CNTNAP2: variants seen among roughly 807,000 people sequenced by gnomAD.
CNTNAP2 encodes the protein contactin associated protein 2, also known as contactin-associated protein-like 2.
A neutral mutation model predicts 155.2 loss-of-function variants in CNTNAP2; 98 were observed. The observed-to-expected ratio is 0.63, with a 90% CI of 0.54 to 0.75. The LOEUF (loss-of-function observed/expected upper bound fraction) is 0.75, where lower values mean the gene tolerates loss of function less well. Among genes scored for constraint, CNTNAP2 ranks in the 30% least tolerant of loss-of-function variants. CNTNAP2 has a pLI of 0.00. For missense variants in CNTNAP2, 1,727 were observed against 1,688.1 expected (o/e 1.02, Z -0.40); for synonymous variants, 651 against 631.2 (o/e 1.03, Z -0.47).
intron 10 of CNTNAP2, among the ~76,000 whole-genome samples, chr7:147,406,341 A>C (rs973300759): frequency 6.6e-6 from 1 of 152,152 alleles, no homozygotes; most frequent in Admixed American, 6.5e-5. Flanking sequence ...TGAAAATAAC[A>C]TTTTGTTTGA....
intron 18 of CNTNAP2, among the ~76,000 whole-genome samples, chr7:148,178,554 T>C (rs1356915865): frequency 6.6e-6 from 1 of 152,240 alleles, no homozygotes; most frequent in Non-Finnish European, 1.5e-5. Flanking sequence ...ATTATTAAGA[T>C]GGTAGAAGAA....
chr7:146,194,020 G>A (rs1326643115), intron 1 of CNTNAP2, among the ~76,000 whole-genome samples: 2 of 152,142 alleles, frequency 1.3e-5, no homozygotes, highest in Non-Finnish European at 2.9e-5. Flanking sequence ...CTCCATCTGA[G>A]ACCACCTCAA....
chr7:146,975,876 G>C (rs141816242), intron 3 of CNTNAP2, among the ~76,000 whole-genome samples: 1 of 152,144 alleles, frequency 6.6e-6, no homozygotes. Context: ...GCATGAAAAC[G>C]CTATTTTTAT....
At chr7:148,159,048 G>A (rs745666908) in intron 17 of CNTNAP2, among the ~76,000 whole-genome samples, 3 of 152,092 alleles carry the variant, frequency 2.0e-5, no homozygotes, top group African/African-American at 4.8e-5. Flanking sequence ...TTAGTATTCC[G>A]CATTCAGATA....
intron 19 of CNTNAP2, among the ~76,000 whole-genome samples, chr7:148,221,372 G>T (rs6947963): frequency 0.14 from 21,309 of 152,042 alleles, 1,680 homozygotes; most frequent in East Asian, 0.28. Flanking sequence ...GTTGGGCCAG[G>T]CTGGGGTTTC....
intron 1 of CNTNAP2, among the ~76,000 whole-genome samples, chr7:146,441,648 A>G (rs2129119642): frequency 6.6e-6 from 1 of 151,374 alleles, no homozygotes; most frequent in African/African-American, 2.5e-5. Flanking sequence ...TTGCTCTTGA[A>G]TCTCGCATTC....
At chr7:147,626,346 G>T (rs1010910418) in intron 12 of CNTNAP2, among the ~76,000 whole-genome samples, 7 of 151,882 alleles carry the variant, frequency 4.6e-5, no homozygotes, top group Non-Finnish European at 7.4e-5. Context: ...TGCATGGGGG[G>T]GTGGGTTAGG....
intron 3 of CNTNAP2, among the ~76,000 whole-genome samples, chr7:146,947,492 A>G (rs1258138329): frequency 1.4e-5 from 2 of 142,870 alleles, no homozygotes; most frequent in Non-Finnish European, 3.0e-5. Context: ...ATATATATAC[A>G]TATATATCTT....
At chr7:148,237,345 A>G (rs1289322848) in intron 20 of CNTNAP2, among the ~76,000 whole-genome samples, 1 of 152,248 alleles carries the variant, frequency 6.6e-6, no homozygotes, top group Non-Finnish European at 1.5e-5. Flanking sequence ...ATAATAGAGT[A>G]AAAGACATTG....
At chr7:146,651,229 A>G (rs1043247307) in intron 1 of CNTNAP2, among the ~76,000 whole-genome samples, 5 of 152,170 alleles carry the variant, frequency 3.3e-5, no homozygotes, top group Non-Finnish European at 7.3e-5. Flanking sequence ...TTAGAATACC[A>G]GAAAGCACAA....
chr7:147,003,130 A>AGAGT (rs1798458970), intron 3 of CNTNAP2, among the ~76,000 whole-genome samples: 1 of 151,932 alleles, frequency 6.6e-6, no homozygotes, highest in Non-Finnish European at 1.5e-5. Flanking sequence ...GAGCATAAAG[A>AGAGT]GAGTGCTACA....
At chr7:147,643,992 A>G (rs1002044704) in intron 13 of CNTNAP2, among the ~76,000 whole-genome samples, 17 of 152,246 alleles carry the variant, frequency 1.1e-4, no homozygotes, top group Non-Finnish European at 2.9e-5. Context: ...ATGGAAACAA[A>G]TTAAAAATAA....
chr7:147,460,804 G>A (rs899776850), intron 10 of CNTNAP2, among the ~76,000 whole-genome samples: 1 of 152,188 alleles, frequency 6.6e-6, no homozygotes, highest in Non-Finnish European at 1.5e-5. Flanking sequence ...ACCATCTGAT[G>A]CAGCTGTCAG....
rs151145942 is a variant in CNTNAP2 at position 146,722,677 on chromosome 7, T to G, written c.98-51594T>G. ...TGCCAAAATTACAATTATGGGTTAG[T>G]GTTATGGACTGAATTGCGTCCACAC... On this transcript the variant is annotated intron_variant, in intron 1 of 23. Coordinates refer to ENST00000361727, the MANE Select transcript of CNTNAP2 (RefSeq NM_014141.6). Among the ~76,000 whole-genome samples, 17 of 151,864 alleles carry G rather than the reference T, an allele frequency of 1.1e-4. No individual in the cohort carries two copies. The East Asian group carries it at 2.3e-3, about 21-fold the overall frequency.
At chr7:147,092,806 T>C (rs1800434897) in intron 4 of CNTNAP2, among the ~76,000 whole-genome samples, 1 of 152,198 alleles carries the variant, frequency 6.6e-6, no homozygotes, top group African/African-American at 2.4e-5. Flanking sequence ...TAGTGAATTT[T>C]AATAATTAGG....
chr7:147,193,565 GCA>G (rs1017334034), intron 8 of CNTNAP2, among the ~76,000 whole-genome samples: 2 of 152,106 alleles, frequency 1.3e-5, no homozygotes, highest in African/African-American at 4.8e-5. Context: ...TGATTTAGAG[GCA>G]CACAGAGCAT....
chr7:146,701,664 TACAC>T (rs141030695), intron 1 of CNTNAP2, among the ~76,000 whole-genome samples: 2 of 151,044 alleles, frequency 1.3e-5, no homozygotes, highest in Non-Finnish European at 3.0e-5. Flanking sequence ...TTTTTGTATA[TACAC>T]ACACACACAC....
At chr7:148,378,429 T>C (rs1798992373) in intron 21 of CNTNAP2, among the ~76,000 whole-genome samples, 1 of 66,838 alleles carries the variant, frequency 1.5e-5, no homozygotes, top group Admixed American at 2.1e-4. Context: ...TAGAGAGACG[T>C]CAAACTCCTC....
At chr7:146,897,208 G>A (rs919661652) in intron 3 of CNTNAP2, among the ~76,000 whole-genome samples, 1 of 152,086 alleles carries the variant, frequency 6.6e-6, no homozygotes, top group Non-Finnish European at 1.5e-5. Flanking sequence ...ATACTACTCA[G>A]TGTCTATTTT....
Sources: allele counts gnomAD v4.1 joint callset (sites outside exome capture counted in the v4.1 genomes callset), GRCh38; gene constraint gnomAD v4.1.1; transcripts MANE v1.5; gene names NCBI Gene and HGNC (gene_info 2026-07-23, HGNC 2026-07-21).